CCDC136: variants seen among roughly 807,000 people sequenced by gnomAD.
CCDC136 encodes coiled-coil domain-containing protein 136.
In CCDC136, 100 loss-of-function variants were observed where a neutral mutation model predicts 141.2. That is an observed-to-expected ratio of 0.71 (90% CI 0.60 to 0.84). The LOEUF (loss-of-function observed/expected upper bound fraction) is 0.84, where lower values mean the gene tolerates loss of function less well. Ranked by LOEUF, CCDC136 falls within the 40% of genes least tolerant of loss-of-function variation. The pLI is 0.00. For synonymous variants in CCDC136, 474 were observed against 531.9 expected, an observed-to-expected ratio of 0.89 and a Z score of 1.50; for missense variants, 1,206 against 1,379.4, an observed-to-expected ratio of 0.87 and a Z score of 1.99.
chr7:128,796,351 T>A (rs560111903), intron 3 of CCDC136, among the ~76,000 whole-genome samples: 10 of 151,810 alleles, frequency 6.6e-5, no homozygotes, highest in African/African-American at 2.4e-4. Context: ...GGCCCAGAGG[T>A]GAGAATGAGC....
In CCDC136 at chr7:128,805,786, A is replaced by G. The variant is rs1410172424; in HGVS notation, c.974A>G (p.Glu325Gly). 1.2e-6 allele frequency: 2 copies of G among 1,612,862 alleles called. No homozygotes were observed. Among genetic ancestry groups the G allele is most frequent in the Non-Finnish European group, 1.7e-6 (2 of 1,179,492 alleles). The change falls in exon 7 of 18, where the codon GAA (glutamate) becomes GGA (glycine). Residue 325 changes from glutamate to glycine, a missense_variant. By Grantham distance (98) the Glu-to-Gly change is moderately conservative (BLOSUM62 -2). Transcript: ENST00000297788. This position sits in a 1 kb window ranked among gnomAD's most constrained non-coding sequence, Gnocchi z 4.6. ...NKCQELCCELEELQHHRQVSE... is the reference protein window; with the variant it reads ...NKCQELCCELGELQHHRQVSE... ...TGTCAGGAATTGTGTTGTGAGTTGG[A>G]AGAGCTACAGCATCATCGCCAGGTC...
intron 10 of CCDC136, among the ~76,000 whole-genome samples, chr7:128,807,991 A>G (rs1261826855): frequency 1.3e-5 from 2 of 152,184 alleles, no homozygotes; most frequent in Non-Finnish European, 2.9e-5. Flanking sequence ...TGGGCAAGAG[A>G]AGGACCTAGG....
intron 8 of CCDC136, 56 bp downstream of exon 8, chr7:128,806,451 GT>G: frequency 6.7e-7 from 1 of 1,492,500 alleles, no homozygotes; most frequent in Non-Finnish European, 9.0e-7. Context: ...TCCTTCTGAG[GT>G]TTTGGGGAAG....
Position 128,792,289 on chromosome 7 carries a change from C to T in CCDC136, c.-123C>T, listed in dbSNP as rs1391908563. The T allele has an allele frequency of 6.4e-7, 1 of 1,560,256 alleles. No individual in the cohort carries two copies. The highest frequency in any genetic ancestry group is 8.7e-7 in the Non-Finnish European group (1 of 1,150,856). Reference sequence around the variant, plus strand: ...CCCCAGCCCGCAGCCAGCCCCCCACCCCCCAGCCCCTCCTTTCTCCCTGCT... The same window carrying T: ...CCCCAGCCCGCAGCCAGCCCCCCACTCCCCAGCCCCTCCTTTCTCCCTGCT... On this transcript the variant is annotated 5_prime_UTR_variant, in exon 1 of 18. Transcript: ENST00000297788.
rs777464275 is a variant in CCDC136 at position 128,805,850 on chromosome 7, G to C, written c.1038G>C (p.Lys346Asn). 1.2e-6 allele frequency: 2 copies of C among 1,613,888 alleles called. No homozygotes were observed. The highest frequency in any genetic ancestry group is 2.7e-5 in the African/African-American group (2 of 74,922). ...EEQRRLQREL[K>N]CAQNEVLRFQ... The stretch of plus-strand genomic sequence containing the variant: ...AGAGGCGGCTGCAGAGGGAGCTCAA[G>C]TGTGCTCAGAATGAGGTGCTTCGGT... Residue 346 changes from lysine to asparagine, a missense_variant, in exon 7 of 18, where the codon AAG becomes AAC. By Grantham distance (94) the Lys-to-Asn change is moderately conservative (BLOSUM62 0). Coordinates refer to ENST00000297788, the MANE Select transcript of CCDC136 (RefSeq NM_022742.5). The surrounding 1 kb of genome is among the most constrained non-coding windows in gnomAD (Gnocchi z 4.6).
intron 8 of CCDC136, 117 bp downstream of exon 8, chr7:128,806,512 C>A: frequency 1.8e-6 from 2 of 1,118,472 alleles, no homozygotes; most frequent in Non-Finnish European, 2.5e-6. Context: ...ACATAGGCAG[C>A]ACCACAGGTA....
intron 10 of CCDC136, chr7:128,809,151 A>C: frequency 3.0e-6 from 1 of 331,398 alleles, no homozygotes; most frequent in Non-Finnish European, 5.2e-6. Context: ...GGAAGGGGGA[A>C]ATGAGAAAGG....
In CCDC136 at chr7:128,812,396, G is replaced by A. The variant is rs562027144; in HGVS notation, c.2541+84G>A. 216 of 1,419,416 alleles carry A rather than the reference G, an allele frequency of 1.5e-4. 2 individuals are homozygous for A. The South Asian group carries it at 2.6e-3, about 17-fold the overall frequency. 87.9% of individuals were successfully genotyped at this position (1,419,416 alleles called of 1,614,324 possible). A position where few individuals can be genotyped will look rare whatever the true frequency, so the allele number is the denominator to read the frequency against. Reference sequence around the variant, plus strand: ...GATACATCGCCAGGGGAAGGGGCAAGAAGTGTGGGAATGGGGTCAGAACTG... The same window carrying A: ...GATACATCGCCAGGGGAAGGGGCAAAAAGTGTGGGAATGGGGTCAGAACTG... On this transcript the variant is annotated intron_variant, in intron 13 of 17. Coordinates refer to ENST00000297788, the MANE Select transcript of CCDC136 (RefSeq NM_022742.5).
In CCDC136 at chr7:128,806,760, G is replaced by C. The variant is rs777579330; in HGVS notation, c.1321G>C (p.Glu441Gln). The change falls in exon 9 of 18, where the codon GAA becomes CAA. Residue 441 changes from glutamate to glutamine, a missense_variant. Transcript: ENST00000297788. ...NVTCEKEKLL[E>Q]RQQQLQEELQ... is the part of the protein sequence containing the mutation. ...CACATGTGAGAAGGAAAAGCTGCTGGAACGGCAGCAGCAGCTGCAGGAGGA... is the reference window on the plus strand; with the variant it reads ...CACATGTGAGAAGGAAAAGCTGCTGCAACGGCAGCAGCAGCTGCAGGAGGA... The C allele has an allele frequency of 3.1e-6, 5 of 1,611,672 alleles. No individual in the cohort carries two copies. The South Asian group carries it at 5.5e-5, about 18-fold the overall frequency.
intron 14 of CCDC136, among the ~76,000 whole-genome samples, chr7:128,814,297 G>C (rs1293415031): frequency 6.6e-6 from 1 of 151,972 alleles, no homozygotes; most frequent in Non-Finnish European, 1.5e-5. Flanking sequence ...TGTTGGCCAG[G>C]CTGGTCTCGA....
upstream of CCDC136, chr7:128,791,394 T>TCGTC (rs1034769157): frequency 1.5e-5 from 13 of 839,470 alleles, no homozygotes; most frequent in African/African-American, 2.1e-4. The surrounding 1 kb of genome is among the most constrained non-coding windows in gnomAD (Gnocchi z 7.1). Context: ...CCCCGCCCCC[T>TCGTC]CGTCCGCCCT....
intron 15 of CCDC136, among the ~76,000 whole-genome samples, 156 bp downstream of exon 15, chr7:128,815,075 T>C (rs1251806853): frequency 6.6e-6 from 1 of 152,148 alleles, no homozygotes; most frequent in Non-Finnish European, 1.5e-5. Context: ...TAATGGAAAG[T>C]GGGTGCTCCC....
intron 14 of CCDC136, 47 bp downstream of exon 14, chr7:128,812,976 C>A: frequency 7.4e-7 from 1 of 1,347,892 alleles, no homozygotes; most frequent in Non-Finnish European, 1.0e-6. Flanking sequence ...GCCCCTGGAG[C>A]CATAGAGGTC....
At chr7:128,800,047 C>T (rs1380454771) in intron 3 of CCDC136, among the ~76,000 whole-genome samples, 1 of 152,184 alleles carries the variant, frequency 6.6e-6, no homozygotes, top group African/African-American at 2.4e-5. Context: ...TCCCATACCT[C>T]AGAAACAACT....
In CCDC136 at chr7:128,805,808, G is replaced by C; in HGVS notation, c.996G>C (p.Gln332His). Residue 332 changes from glutamine to histidine, a missense_variant, in exon 7 of 18, where the codon CAG becomes CAC. Gln to His is a conservative substitution (Grantham distance 24, BLOSUM62 0). Transcript: ENST00000297788. The surrounding 1 kb of genome is among the most constrained non-coding windows in gnomAD (Gnocchi z 4.6). Reference protein sequence around the residue: ...CELEELQHHRQVSEEEQRRLQ... With the variant: ...CELEELQHHRHVSEEEQRRLQ... ...TGGAAGAGCTACAGCATCATCGCCA[G>C]GTCAGTGAGGAGGAGCAGAGGCGGC... 6.2e-7 allele frequency: 1 copy of C among 1,613,742 alleles called. No individual in the cohort carries two copies. Among genetic ancestry groups the C allele is most frequent in the East Asian group, 2.2e-5 (1 of 44,880 alleles).
At position 128,805,212 on chromosome 7, in the gene CCDC136, T is replaced by C. The variant is rs1565630; in HGVS notation, c.783-147T>C. 174,547 of 688,044 alleles carry C rather than the reference T, an allele frequency of 0.25. 29,351 individuals are homozygous for C. Among genetic ancestry groups the C allele is most frequent in the African/African-American group, 0.63 (35,244 of 56,184 alleles). The allele number at this position is 688,044 out of a possible 1,614,324, so 42.6% of individuals were successfully genotyped here. On this transcript the variant is annotated intron_variant, in intron 5 of 17. Coordinates refer to ENST00000297788, the MANE Select transcript of CCDC136 (RefSeq NM_022742.5). The surrounding 1 kb of genome is among the most constrained non-coding windows in gnomAD (Gnocchi z 4.6). ...GGGGCTGGAGACTTTCTGTAGTCTT[T>C]TAAGCATGTTTATCTGAGCGGTGAG...
rs1057061380 is a variant in CCDC136, at chr7:128,805,603, T to G, written c.948+79T>G. The G allele has an allele frequency of 6.5e-7, 1 of 1,528,148 alleles. No homozygotes were observed. 94.7% of individuals were successfully genotyped at this position (1,528,148 alleles called of 1,614,324 possible). On this transcript the variant is annotated intron_variant, in intron 6 of 17. Coordinates refer to ENST00000297788, the MANE Select transcript of CCDC136 (RefSeq NM_022742.5). This position sits in a 1 kb window ranked among gnomAD's most constrained non-coding sequence, Gnocchi z 4.6. Reference sequence around the variant, plus strand: ...TCTCCCAGCCTGTGGTAGAAACATCTCCATAGGCATCCACTGTGGAGGGAG... The same window carrying G: ...TCTCCCAGCCTGTGGTAGAAACATCGCCATAGGCATCCACTGTGGAGGGAG...
intron 3 of CCDC136, among the ~76,000 whole-genome samples, chr7:128,796,739 A>ATATATATATATATATATTTTTTTTTT: frequency 1.8e-5 from 2 of 113,376 alleles, no homozygotes; most frequent in Non-Finnish European, 3.3e-5. Flanking sequence ...ATATATATAT[A>ATATATATATATATATATTTTTTTTTT]TTCTTTTTTT....
chr7:128,809,425 C>G (rs1013822890), intron 10 of CCDC136, 25 bp from the exon 11 acceptor site: 2 of 1,462,600 alleles, frequency 1.4e-6, no homozygotes, highest in Non-Finnish European at 1.9e-6. Flanking sequence ...GTAACCACCC[C>G]CTCCACACCC....
Sources: gnomAD v4.1 joint callset for allele counts (sites outside exome capture counted in the v4.1 genomes callset) on GRCh38, gnomAD v4.1.1 for gene constraint, Gnocchi (gnomAD v3.1) non-coding constraint, MANE v1.5 for transcripts, NCBI Gene and HGNC (gene_info 2026-07-23, HGNC 2026-07-21) for gene names.